The following GABRG3 variants were observed in gnomAD, a reference collection of about 807,000 sequenced individuals.
GABRG3 encodes gamma-aminobutyric acid type A receptor subunit gamma3.
GABRG3 carries 25 observed loss-of-function variants against 48.8 expected under a neutral mutation model. The observed-to-expected ratio is 0.51, with a 90% CI of 0.37 to 0.72. The LOEUF (loss-of-function observed/expected upper bound fraction) is 0.72. Ranked by LOEUF, GABRG3 falls within the 30% of genes least tolerant of loss-of-function variation. The pLI is 0.00. For synonymous variants in GABRG3, 227 were observed against 217.6 expected (o/e 1.04, Z -0.38); for missense variants, 394 against 577.9 (o/e 0.68, Z 3.26).
intron 6 of GABRG3, among the ~76,000 whole-genome samples, chr15:27,495,106 T>C (rs1890451146): frequency 6.6e-6 from 1 of 152,160 alleles, no homozygotes; most frequent in African/African-American, 2.4e-5. Flanking sequence ...ACATCTTCTA[T>C]AGCCACTAAA....
chr15:27,306,157 A>G (rs1195006411), intron 3 of GABRG3, among the ~76,000 whole-genome samples: 2 of 129,940 alleles, frequency 1.5e-5, no homozygotes, highest in African/African-American at 2.9e-5. Context: ...TATAATATAA[A>G]CCTATATGTT....
intron 5 of GABRG3, among the ~76,000 whole-genome samples, chr15:27,357,224 G>T (rs552054149): frequency 2.6e-5 from 4 of 152,214 alleles, no homozygotes; most frequent in Non-Finnish European, 4.4e-5. Context: ...CTTCCTCCCT[G>T]TTCTGCCAGT....
At chr15:27,050,044 C>T (rs1419958332) in intron 3 of GABRG3, among the ~76,000 whole-genome samples, 1 of 152,126 alleles carries the variant, frequency 6.6e-6, no homozygotes, top group African/African-American at 2.4e-5. Context: ...TTTCCAAAAG[C>T]AGAGAGGAAA....
At chr15:27,338,146 G>A (rs983551227) in intron 5 of GABRG3, among the ~76,000 whole-genome samples, 1 of 152,146 alleles carries the variant, frequency 6.6e-6, no homozygotes, top group Non-Finnish European at 1.5e-5. Flanking sequence ...TGGGGTCAGC[G>A]CTTCAGGCTG....
At chr15:27,120,999 A>G (rs1897721673) in intron 3 of GABRG3, among the ~76,000 whole-genome samples, 1 of 152,204 alleles carries the variant, frequency 6.6e-6, no homozygotes, top group African/African-American at 2.4e-5. Flanking sequence ...GGTCATCCAC[A>G]GCCTGGCATT....
rs544990584 is a variant in GABRG3 at position 27,164,339 on chromosome 15, A to G, written c.270+137518A>G. Among the ~76,000 whole-genome samples, 12 of 152,326 alleles carry G rather than the reference A, an allele frequency of 7.9e-5. No homozygotes were observed. In the South Asian group the frequency reaches 1.7e-3, roughly 21 times the overall value. On this transcript the variant is annotated intron_variant, in intron 3 of 9. Coordinates refer to ENST00000615808, the MANE Select transcript of GABRG3 (RefSeq NM_033223.5). Reference sequence around the variant, plus strand: ...TAAGAATGAAAACATTCCCCCGCATACTCACAATACGGTAAATCAAAGTTG... The same window carrying G: ...TAAGAATGAAAACATTCCCCCGCATGCTCACAATACGGTAAATCAAAGTTG...
chr15:27,467,241 C>G (rs1300216819), intron 5 of GABRG3, among the ~76,000 whole-genome samples: 1 of 152,162 alleles, frequency 6.6e-6, no homozygotes, highest in Non-Finnish European at 1.5e-5. Flanking sequence ...ATTATAATGG[C>G]ACTAATCCCA....
chr15:27,369,420 T>C (rs1008450839), intron 5 of GABRG3, among the ~76,000 whole-genome samples: 5 of 152,210 alleles, frequency 3.3e-5, no homozygotes, highest in Non-Finnish European at 7.4e-5. Flanking sequence ...AATGCCATTG[T>C]AGACAGTTCT....
At chr15:27,359,398 A>T (rs1894949318) in intron 5 of GABRG3, among the ~76,000 whole-genome samples, 1 of 152,184 alleles carries the variant, frequency 6.6e-6, no homozygotes, top group African/African-American at 2.4e-5. Flanking sequence ...TTTTATTCAG[A>T]TTTTAGTATT....
At chr15:27,528,617 A>T (rs916364727) in intron 9 of GABRG3, among the ~76,000 whole-genome samples, 1 of 152,202 alleles carries the variant, frequency 6.6e-6, no homozygotes, top group African/African-American at 2.4e-5. Context: ...CAGACACCTC[A>T]TCCCGAACTT....
At chr15:27,267,662 A>T (rs1055024534) in intron 3 of GABRG3, among the ~76,000 whole-genome samples, 1 of 152,186 alleles carries the variant, frequency 6.6e-6, no homozygotes, top group Admixed American at 6.5e-5. Flanking sequence ...AGCTCAAGGA[A>T]TTTATAGATG....
At position 27,248,546 on chromosome 15, in the gene GABRG3, C is replaced by T. The variant is rs369219627; in HGVS notation, c.271-78263C>T. On this transcript the variant is annotated intron_variant, in intron 3 of 9. Transcript: ENST00000615808. Reference sequence around the variant, plus strand: ...ATTCCAGGACACAGCACACGCATCTCAGACACAAAATATAAGTATTTTCCA... The same window carrying T: ...ATTCCAGGACACAGCACACGCATCTTAGACACAAAATATAAGTATTTTCCA... Among the ~76,000 whole-genome samples, 4 of 152,274 alleles carry T rather than the reference C, an allele frequency of 2.6e-5. No individual in the cohort carries two copies. In the South Asian group the frequency reaches 8.3e-4, roughly 32 times the overall value.
chr15:27,478,489 A>G (rs963889267), intron 5 of GABRG3, among the ~76,000 whole-genome samples: 2 of 152,228 alleles, frequency 1.3e-5, no homozygotes, highest in African/African-American at 4.8e-5. Flanking sequence ...TTATCACTAA[A>G]AAGACAGAAA....
chr15:27,108,027 A>G (rs181374674), intron 3 of GABRG3, among the ~76,000 whole-genome samples: 30 of 151,516 alleles, frequency 2.0e-4, no homozygotes, highest in Admixed American at 2.0e-3. Context: ...GCTTTTGGTT[A>G]TGTTGATTTT....
chr15:27,235,322 T>C (rs1346332920), intron 3 of GABRG3, among the ~76,000 whole-genome samples: 3 of 152,222 alleles, frequency 2.0e-5, no homozygotes, highest in Admixed American at 6.5e-5. Context: ...TAGGTCAACC[T>C]AGTTCACAGG....
At chr15:27,401,622 C>T (rs1887477670) in intron 5 of GABRG3, among the ~76,000 whole-genome samples, 1 of 152,186 alleles carries the variant, frequency 6.6e-6, no homozygotes, top group African/African-American at 2.4e-5. Flanking sequence ...TTTCATGTCT[C>T]CTTGTAAGTA....
intron 6 of GABRG3, among the ~76,000 whole-genome samples, chr15:27,516,699 T>C (rs933354235): frequency 1.3e-5 from 2 of 152,214 alleles, no homozygotes; most frequent in African/African-American, 4.8e-5. Flanking sequence ...TCAGTCTCTC[T>C]CTGGTGGTGG....
chr15:27,203,931 A>G (rs1888770342), intron 3 of GABRG3, among the ~76,000 whole-genome samples: 1 of 151,728 alleles, frequency 6.6e-6, no homozygotes, highest in Non-Finnish European at 1.5e-5. Flanking sequence ...TTATTAAGGA[A>G]GTTAAGTTTC....
At chr15:27,510,266 A>G (rs1285422009) in intron 6 of GABRG3, among the ~76,000 whole-genome samples, 1 of 152,080 alleles carries the variant, frequency 6.6e-6, no homozygotes, top group African/African-American at 2.4e-5. Context: ...TGATTTGTAA[A>G]CCTAGTTCTT....
Sources: gnomAD v4.1 joint callset for allele counts (sites outside exome capture counted in the v4.1 genomes callset) on GRCh38, gnomAD v4.1.1 for gene constraint, MANE v1.5 for transcripts, NCBI Gene and HGNC (gene_info 2026-07-23, HGNC 2026-07-21) for gene names.